The following CYRIB variants were observed in gnomAD, a reference collection of about 807,000 sequenced individuals.
CYRIB encodes CYFIP related Rac1 interactor B, also known as CYFIP-related Rac1 interactor B.
In CYRIB, 8 loss-of-function variants were observed where a neutral mutation model predicts 44.2. The ratio of observed to expected loss-of-function variants is 0.18; its 90% CI spans 0.11 to 0.33. The LOEUF is 0.33. Among genes scored for constraint, CYRIB ranks in the 10% least tolerant of loss-of-function variants. The probability of loss-of-function intolerance (pLI) is 1.00; values close to 1 mark genes in which losing one functional copy is unlikely to be tolerated. For missense variants in CYRIB, 185 were observed against 382.8 expected (o/e 0.48, Z 4.31); for synonymous variants, 131 against 127.2 (o/e 1.03, Z -0.20).
chr8:129,869,463 C>T (rs2056010191), intron 4 of CYRIB, among the ~76,000 whole-genome samples: 1 of 147,796 alleles, frequency 6.8e-6, no homozygotes, highest in African/African-American at 2.5e-5. Context: ...CTCTTCATAA[C>T]AACAAGCTTT....
intron 5 of CYRIB, among the ~76,000 whole-genome samples, chr8:129,857,653 T>C (rs76041146): frequency 0.016 from 2,360 of 152,204 alleles, 70 homozygotes; most frequent in African/African-American, 0.054. Context: ...GCATGGACTA[T>C]AGGGGTATGG....
intron 1 of CYRIB, among the ~76,000 whole-genome samples, chr8:129,971,290 A>T (rs1389383475): frequency 1.3e-5 from 2 of 152,120 alleles, no homozygotes; most frequent in African/African-American, 4.8e-5. Context: ...ACAGGGTTTC[A>T]TCATGTTGGC....
At chr8:129,975,544 C>A (rs2095880302) in intron 1 of CYRIB, among the ~76,000 whole-genome samples, 1 of 152,170 alleles carries the variant, frequency 6.6e-6, no homozygotes, top group African/African-American at 2.4e-5. Context: ...GTCACTGGCA[C>A]CATGTTTCTG....
chr8:129,969,053 G>A (rs1312063047), intron 2 of CYRIB, among the ~76,000 whole-genome samples: 5 of 81,540 alleles, frequency 6.1e-5, no homozygotes, highest in South Asian at 8.3e-4. Flanking sequence ...TTGCTCTGTC[G>A]CCCAGGCTAG....
At chr8:129,870,864 G>C (rs2056882493) in intron 4 of CYRIB, among the ~76,000 whole-genome samples, 1 of 152,138 alleles carries the variant, frequency 6.6e-6, no homozygotes, top group Non-Finnish European at 1.5e-5. Context: ...AATTAAAAGA[G>C]TAAAGTTTCA....
chr8:129,980,832 A>G (rs1188538467), intron 1 of CYRIB, among the ~76,000 whole-genome samples: 3 of 151,568 alleles, frequency 2.0e-5, no homozygotes, highest in Non-Finnish European at 4.4e-5. Flanking sequence ...AAATACAAAA[A>G]AATTAGCTGG....
At chr8:129,979,580 C>T (rs2096121227) in intron 1 of CYRIB, among the ~76,000 whole-genome samples, 1 of 152,074 alleles carries the variant, frequency 6.6e-6, no homozygotes, top group Non-Finnish European at 1.5e-5. Context: ...AATACTGGGT[C>T]GTTCTCTTTC....
At chr8:129,898,546 T>TA (rs2069516860) in intron 2 of CYRIB, among the ~76,000 whole-genome samples, 1 of 152,236 alleles carries the variant, frequency 6.6e-6, no homozygotes, top group Non-Finnish European at 1.5e-5. Flanking sequence ...TTGAGCCTTG[T>TA]ACACTAACGG....
chr8:129,964,136 G>A (rs1436294916), intron 2 of CYRIB, among the ~76,000 whole-genome samples: 2 of 152,336 alleles, frequency 1.3e-5, no homozygotes, highest in East Asian at 3.9e-4. Context: ...CATCTGTTTT[G>A]AGAAGAAAGG....
chr8:129,918,142 C>A (rs569959232), intron 1 of CYRIB, among the ~76,000 whole-genome samples: 1 of 152,268 alleles, frequency 6.6e-6, no homozygotes, highest in African/African-American at 2.4e-5. Context: ...TGCCACAGAG[C>A]TACCACAGCA....
Position 129,871,456 on chromosome 8 carries a change from C to T in CYRIB, c.114G>A (p.Gln38=), listed in dbSNP as rs752573240. ...CTGCATCTTTTAATACTACATTCAC[C>T]TGATTATAAATTTCCTTCTCAGACT... is the stretch of plus-strand genomic sequence containing the variant. The change falls in exon 4 of 12, where the codon CAG becomes CAA. Residue 38 remains glutamine (Q), a synonymous_variant. Coordinates refer to ENST00000519824, the Ensembl canonical transcript of CYRIB. The T allele has an allele frequency of 8.7e-6, 14 of 1,611,004 alleles. No homozygotes were observed. In the Admixed American group the frequency reaches 2.2e-4, roughly 25 times the overall value.
intron 2 of CYRIB, among the ~76,000 whole-genome samples, chr8:129,963,541 G>C (rs1227305797): frequency 6.6e-6 from 1 of 152,146 alleles, no homozygotes; most frequent in Admixed American, 6.5e-5. Context: ...AAAGCACCTG[G>C]GTCCAGGAAG....
intron 3 of CYRIB, among the ~76,000 whole-genome samples, chr8:129,878,299 A>T (rs190738334): frequency 3.9e-4 from 59 of 152,310 alleles, no homozygotes; most frequent in Non-Finnish European, 1.5e-5. Flanking sequence ...CAAAATGGAG[A>T]TAGCTATAAA....
intron 4 of CYRIB, among the ~76,000 whole-genome samples, chr8:129,867,945 C>G (rs1427209789): frequency 6.6e-6 from 1 of 152,156 alleles, no homozygotes; most frequent in Non-Finnish European, 1.5e-5. Context: ...ACTTCTTGCA[C>G]TAACTGAGAT....
chr8:129,863,240 T>C (rs1196894922), intron 4 of CYRIB, among the ~76,000 whole-genome samples: 2 of 152,140 alleles, frequency 1.3e-5, no homozygotes, highest in East Asian at 3.9e-4. Flanking sequence ...GATTTAAGAA[T>C]TGTCAGCTGG....
At chr8:129,877,690 GT>G (rs2059599778) in intron 3 of CYRIB, among the ~76,000 whole-genome samples, 2 of 148,532 alleles carry the variant, frequency 1.3e-5, no homozygotes, top group African/African-American at 2.5e-5. Context: ...GTGTGTGTGT[GT>G]GTGTGTATAA....
chr8:129,913,375 G>C (rs1217636860), intron 1 of CYRIB, among the ~76,000 whole-genome samples: 3 of 152,118 alleles, frequency 2.0e-5, no homozygotes, highest in African/African-American at 7.2e-5. Context: ...ATAATAATCA[G>C]AACTAGAAGT....
chr8:129,876,682 C>T (rs2059227838), intron 3 of CYRIB, among the ~76,000 whole-genome samples: 1 of 150,844 alleles, frequency 6.6e-6, no homozygotes, highest in Non-Finnish European at 1.5e-5. Context: ...ATACAAATAG[C>T]GAGGTAATCT....
At chr8:130,017,067 G>A (rs1592669706), upstream of CYRIB, 1 of 152,426 alleles carries the variant, frequency 6.6e-6, no homozygotes, top group African/African-American at 2.4e-5. Flanking sequence ...CTCGCAGCGG[G>A]GTCAGTGAGA....
Sources: allele counts gnomAD v4.1 joint callset (sites outside exome capture counted in the v4.1 genomes callset), GRCh38; gene constraint gnomAD v4.1.1; transcripts MANE v1.5; gene names NCBI Gene and HGNC (gene_info 2026-07-23, HGNC 2026-07-21).